The following KAZN variants were observed in gnomAD, a reference collection of about 807,000 sequenced individuals.
KAZN encodes the protein kazrin.
A neutral mutation model predicts 87.4 loss-of-function variants in KAZN; 40 were observed. The ratio of observed to expected loss-of-function variants is 0.46; its 90% CI spans 0.36 to 0.60. The LOEUF (loss-of-function observed/expected upper bound fraction) is 0.60. Among genes scored for constraint, KAZN ranks in the 20% least tolerant of loss-of-function variants. The pLI is 0.00. For missense variants in KAZN, 898 were observed against 1,073.9 expected (o/e 0.84, Z 2.29); for synonymous variants, 466 against 458.3 (o/e 1.02, Z -0.22).
chr1:15,069,794 T>C (rs965126303), intron 8 of KAZN, among the ~76,000 whole-genome samples: 1 of 152,228 alleles, frequency 6.6e-6, no homozygotes. Context: ...TTCTCCAGGC[T>C]ACCACGTGAA....
chr1:13,943,663 C>A (rs1183794810), intron 1 of KAZN, among the ~76,000 whole-genome samples: 6 of 151,644 alleles, frequency 4.0e-5, no homozygotes, highest in Non-Finnish European at 8.8e-5. Flanking sequence ...GGTTCAAGAC[C>A]AATACAAAGA....
intron 1 of KAZN, among the ~76,000 whole-genome samples, chr1:14,642,833 T>G (rs1365851814): frequency 6.6e-6 from 1 of 152,062 alleles, no homozygotes; most frequent in Non-Finnish European, 1.5e-5. Context: ...AACAAAAATA[T>G]AAGGGTTTAA....
In KAZN at chr1:14,291,336, C is replaced by T. The variant is rs117161572; in HGVS notation, c.249+110744C>T. ...AGGCCTTGCTGAGCTCCCGTGGCCT[C>T]CATCCAGTTCGAGCTTCCCTGGCCG... On this transcript the variant is annotated intron_variant, in intron 2 of 16. Coordinates refer to the KAZN transcript ENST00000636203. Among the ~76,000 whole-genome samples the T allele has an allele frequency of 4.8e-4, 73 of 152,348 alleles. No homozygotes were observed. The East Asian group carries it at 0.013, about 26-fold the overall frequency.
At chr1:14,194,269 A>G (rs1414051380) in intron 2 of KAZN, among the ~76,000 whole-genome samples, 2 of 152,138 alleles carry the variant, frequency 1.3e-5, no homozygotes, top group African/African-American at 4.8e-5. Context: ...TAGCTTGTGG[A>G]CAGAGTCATG....
At chr1:15,080,221 C>T (rs1438264813) in intron 8 of KAZN, among the ~76,000 whole-genome samples, 1 of 152,138 alleles carries the variant, frequency 6.6e-6, no homozygotes, top group Non-Finnish European at 1.5e-5. Flanking sequence ...AATGAGGGGG[C>T]GCCCATGTGA....
At chr1:14,937,016 T>C (rs888494061) in intron 1 of KAZN, among the ~76,000 whole-genome samples, 5 of 152,178 alleles carry the variant, frequency 3.3e-5, no homozygotes, top group Non-Finnish European at 5.9e-5. Context: ...CCGAACTAAG[T>C]CCACATCCCT....
At chr1:14,989,902 G>A (rs543909502) in intron 2 of KAZN, among the ~76,000 whole-genome samples, 23 of 152,316 alleles carry the variant, frequency 1.5e-4, no homozygotes, top group African/African-American at 5.1e-4. Flanking sequence ...TGCAGAAGGC[G>A]CTTTGCATTG....
chr1:15,032,188 T>C (rs932551583), intron 2 of KAZN, among the ~76,000 whole-genome samples: 32 of 120,946 alleles, frequency 2.6e-4, no homozygotes, highest in African/African-American at 9.6e-4. Flanking sequence ...TTCTTTTTTT[T>C]TTTTTCTTTT....
chr1:15,058,658 C>G (rs1288716987), intron 5 of KAZN, among the ~76,000 whole-genome samples: 1 of 152,216 alleles, frequency 6.6e-6, no homozygotes, highest in Non-Finnish European at 1.5e-5. Context: ...CAGGATAAGA[C>G]ACCCAGGGTA....
chr1:14,329,082 A>T lies in KAZN; in HGVS notation c.249+148490A>T, dbSNP rs117240599. On this transcript the variant is annotated intron_variant, in intron 2 of 16. Coordinates refer to the KAZN transcript ENST00000636203. ...TAAGTGTATTACCAGTTTCAGATGG[A>T]GTTAGATCCAGGTGCTGGAACAATG... Among the ~76,000 whole-genome samples, 641 of 152,318 alleles carry T rather than the reference A, an allele frequency of 4.2e-3. 9 individuals are homozygous for T. Among genetic ancestry groups the T allele is most frequent in the East Asian group, 0.03 (154 of 5,170 alleles).
intron 1 of KAZN, among the ~76,000 whole-genome samples, chr1:14,638,543 T>C: frequency 7.3e-6 from 1 of 136,526 alleles, no homozygotes; most frequent in South Asian, 2.3e-4. Flanking sequence ...CACTCCAGCC[T>C]GGGCAACAGA....
chr1:15,086,413 C>T (rs1274283918), intron 8 of KAZN, among the ~76,000 whole-genome samples: 1 of 152,196 alleles, frequency 6.6e-6, no homozygotes, highest in Non-Finnish European at 1.5e-5. Flanking sequence ...AACCTAAAAC[C>T]GTGTTCCCAG....
intron 1 of KAZN, among the ~76,000 whole-genome samples, chr1:13,981,089 T>TCTCTCTATATATATA (rs1553181094): frequency 6.3e-5 from 4 of 63,134 alleles, no homozygotes; most frequent in African/African-American, 2.3e-4. Context: ...AAATTACTCT[T>TCTCTCTATATATATA]TATATATATA....
chr1:14,743,966 C>G (rs1248405921), intron 1 of KAZN, among the ~76,000 whole-genome samples: 2 of 152,124 alleles, frequency 1.3e-5, no homozygotes, highest in African/African-American at 4.8e-5. Context: ...AACCAAGACT[C>G]TGGTACCTGG....
At chr1:14,717,886 C>A (rs1161480883) in intron 1 of KAZN, among the ~76,000 whole-genome samples, 1 of 152,200 alleles carries the variant, frequency 6.6e-6, no homozygotes, top group Non-Finnish European at 1.5e-5. Context: ...CCCTGCTGCA[C>A]CCGAAATCCA....
intron 2 of KAZN, among the ~76,000 whole-genome samples, chr1:14,484,462 C>T (rs1040714464): frequency 1.3e-5 from 2 of 152,116 alleles, no homozygotes; most frequent in African/African-American, 4.8e-5. Flanking sequence ...TGAATATGTA[C>T]AATTTTTATC....
At chr1:14,389,994 T>C (rs1480668868) in intron 2 of KAZN, among the ~76,000 whole-genome samples, 120 of 152,134 alleles carry the variant, frequency 7.9e-4, no homozygotes, top group Non-Finnish European at 1.6e-4. Context: ...ACCTACTATG[T>C]ATGCACAAAA....
At chr1:14,969,367 G>C (rs1199445599) in intron 2 of KAZN, among the ~76,000 whole-genome samples, 1 of 152,216 alleles carries the variant, frequency 6.6e-6, no homozygotes, top group Non-Finnish European at 1.5e-5. Context: ...GGTTGAATGT[G>C]TATGTTCCTC....
At chr1:14,558,866 G>T (rs1674079251) in intron 2 of KAZN, among the ~76,000 whole-genome samples, 1 of 152,110 alleles carries the variant, frequency 6.6e-6, no homozygotes, top group African/African-American at 2.4e-5. Flanking sequence ...GATAAAAGTG[G>T]GGCTTATGAA....
Sources: allele counts gnomAD v4.1 joint callset (sites outside exome capture counted in the v4.1 genomes callset), GRCh38; gene constraint gnomAD v4.1.1; transcripts MANE v1.5; gene names NCBI Gene and HGNC (gene_info 2026-07-23, HGNC 2026-07-21).